The following TREML1 variants were observed in gnomAD, a reference collection of about 807,000 sequenced individuals.
The protein encoded by TREML1 is trem-like transcript 1 protein.
Under a neutral mutation model 22.8 loss-of-function variants are expected in TREML1, and 27 were observed. That is an observed-to-expected ratio of 1.19 (90% confidence interval 0.87 to 1.64). The LOEUF is 1.64. Ranked by LOEUF, TREML1 falls within the 40% of genes most tolerant of loss-of-function variation. The probability of loss-of-function intolerance (pLI) is 0.00; values close to 1 mark genes in which losing one functional copy is unlikely to be tolerated. For missense variants in TREML1, 356 were observed against 382.0 expected (o/e 0.93, Z 0.57); for synonymous variants, 153 against 161.9 (o/e 0.94, Z 0.42).
chr6:41,153,508 G>A (rs555256365), intron 2 of TREML1, among the ~76,000 whole-genome samples: 2 of 152,260 alleles, frequency 1.3e-5, no homozygotes, highest in South Asian at 4.1e-4. Context: ...AGTCCCTGGA[G>A]TGGGAAGGAC....
In TREML1 at chr6:41,149,921, G is replaced by A; in HGVS notation, c.622-3C>T. ...TGGTGGACCACTGAGGAGGGATTCT[G>A]TAACAAAAGCAGGCAAGTCAGGAAT... On this transcript the variant is annotated splice_polypyrimidine_tract_variant and splice_region_variant and intron_variant, in intron 5 of 5. Transcript: ENST00000426005. The A allele has an allele frequency of 6.2e-7, 1 of 1,610,118 alleles. No homozygotes were observed. Among genetic ancestry groups the A allele is most frequent in the Non-Finnish European group, 8.5e-7 (1 of 1,177,294 alleles).
chr6:41,150,556 T>TC (rs146708115), intron 4 of TREML1, among the ~76,000 whole-genome samples: 304 of 152,162 alleles, frequency 2.0e-3, no homozygotes, highest in Non-Finnish European at 3.3e-3. Context: ...CGAGACCCTT[T>TC]CCCCACCTTC....
rs200790387 is a variant in TREML1, at chr6:41,153,732, G to A, written c.376+26C>T. The A allele has an allele frequency of 8.1e-5, 128 of 1,571,072 alleles. No individual in the cohort carries two copies. The African/African-American group carries it at 1.5e-3, about 19-fold the overall frequency. On this transcript the variant is annotated intron_variant, in intron 2 of 5. Transcript: ENST00000426005. ...GGGGTGGGGAGGGTAGGTCTAAGGG[G>A]TGGTAGCTGGCCTAGGATAACTCAC...
chr6:41,153,694 C>G, intron 2 of TREML1, 64 bp downstream of exon 2: 1 of 1,494,502 alleles, frequency 6.7e-7, no homozygotes, highest in Non-Finnish European at 9.0e-7. Flanking sequence ...CCCATGAGCC[C>G]TGGCAATAGG....
chr6:41,150,039 G>A, intron 5 of TREML1, 121 bp from the exon 6 acceptor site: 1 of 1,088,780 alleles, frequency 9.2e-7, no homozygotes, highest in African/African-American at 1.6e-5. Context: ...GGGCAAGAGG[G>A]CTTCATTGTG....
intron 2 of TREML1, among the ~76,000 whole-genome samples, chr6:41,152,996 G>A (rs543544779): frequency 1.3e-3 from 203 of 151,830 alleles, no homozygotes; most frequent in African/African-American, 4.8e-3. Flanking sequence ...TAAAAGAAAA[G>A]GAGTGGCTGT....
Position 41,153,826 on chromosome 6 carries a change from C to T in TREML1, c.308G>A (p.Gly103Asp), listed in dbSNP as rs1318697234. ...TLQEEDAGEY[G>D]CMVDGARGPQ... Reference sequence around the variant, plus strand: ...CCCCCTGGCCCCATCCACCATGCAGCCATACTCGCCAGCATCCTCTTCCTG... The same window carrying T: ...CCCCCTGGCCCCATCCACCATGCAGTCATACTCGCCAGCATCCTCTTCCTG... Residue 103 changes from glycine (G) to aspartate (D), a missense_variant, in exon 2 of 6, where the codon GGC becomes GAC. Physicochemically the swap from Gly to Asp is moderately conservative, Grantham distance 94 (BLOSUM62 -1). Coordinates refer to ENST00000426005, the MANE Select transcript of TREML1 (RefSeq NM_178174.4). 2 of 1,614,052 alleles carry T rather than the reference C, an allele frequency of 1.2e-6. No homozygotes were observed. The highest frequency in any genetic ancestry group is 2.2e-5 in the East Asian group (1 of 44,898).
In TREML1 at chr6:41,150,685, T is replaced by C. The variant is rs1582066999; in HGVS notation, c.568+134A>G. ...TCCCTCAGCCCTGGGAATTCTAGGA[T>C]ATGGGGGCCTTGAGACTTAAGCCCA... On this transcript the variant is annotated intron_variant, in intron 4 of 5. Transcript: ENST00000426005. 5.2e-5 allele frequency: 39 copies of C among 755,706 alleles called. No individual in the cohort carries two copies. The East Asian group carries it at 1.0e-3, about 20-fold the overall frequency. The allele number at this position is 755,706 out of a possible 1,614,324, so 46.8% of individuals were successfully genotyped here. A position where few individuals can be genotyped will look rare whatever the true frequency, so the allele number is the denominator to read the frequency against.
In TREML1 at chr6:41,150,242, G is replaced by A. The variant is rs200230043; in HGVS notation, c.621+19C>T. 90 of 1,613,446 alleles carry A rather than the reference G, an allele frequency of 5.6e-5. No homozygotes were observed. In the East Asian group the frequency reaches 1.8e-3, roughly 32 times the overall value. On this transcript the variant is annotated intron_variant, in intron 5 of 5. Transcript: ENST00000426005. ...GAAAGTCTGGGGAATTTGGCTGTGG[G>A]CCTGCAGAGGCCTCTTACCATGCCT...
chr6:41,149,561 C>G lies in TREML1; in HGVS notation c.*43G>C, dbSNP rs749528852. On this transcript the variant is annotated 3_prime_UTR_variant, in exon 6 of 6. Coordinates refer to ENST00000426005, the MANE Select transcript of TREML1 (RefSeq NM_178174.4). Reference sequence around the variant, plus strand: ...GAGCTGGCTGGATGGATGCACAGAACCCCTAGGGATGGTCCTCATGAGTTT... The same window carrying G: ...GAGCTGGCTGGATGGATGCACAGAAGCCCTAGGGATGGTCCTCATGAGTTT... The G allele has an allele frequency of 6.4e-7, 1 of 1,564,106 alleles. No individual in the cohort carries two copies. The highest frequency in any genetic ancestry group is 1.2e-5 in the South Asian group (1 of 82,362).
intron 2 of TREML1, among the ~76,000 whole-genome samples, chr6:41,152,225 A>T (rs986522612): frequency 3.3e-5 from 5 of 152,034 alleles, no homozygotes; most frequent in Non-Finnish European, 7.4e-5. Flanking sequence ...GCTGCCTTTG[A>T]CCACCTTCTC....
In TREML1 at chr6:41,149,406, T is replaced by C. The variant is rs1233558684; in HGVS notation, c.*198A>G. On this transcript the variant is annotated 3_prime_UTR_variant, in exon 6 of 6. Transcript: ENST00000426005. Reference sequence around the variant, plus strand: ...AATGGTAGAAGAACCAGTGGGGGAGTTGGGTGCAGGGAGGTCTTCCCCAAG... The same window carrying C: ...AATGGTAGAAGAACCAGTGGGGGAGCTGGGTGCAGGGAGGTCTTCCCCAAG... The C allele has an allele frequency of 1.4e-5, 8 of 559,514 alleles. No homozygotes were observed. The East Asian group carries it at 2.0e-4, about 14-fold the overall frequency. The allele number at this position is 559,514 out of a possible 1,614,324, so 34.7% of individuals were successfully genotyped here. A position where few individuals can be genotyped will look rare whatever the true frequency, so the allele number is the denominator to read the frequency against.
In TREML1 at chr6:41,149,595, A is replaced by G. The variant is rs773166160; in HGVS notation, c.*9T>C. 1.2e-6 allele frequency: 2 copies of G among 1,602,446 alleles called. No individual in the cohort carries two copies. The highest frequency in any genetic ancestry group is 2.2e-5 in the South Asian group (2 of 89,324). On this transcript the variant is annotated 3_prime_UTR_variant, in exon 6 of 6. Transcript: ENST00000426005. ...ATGGTCCTCATGAGTTTAAAGTGTG[A>G]TGAGCAGCTTAGCTGGATGGAGTCT... is the stretch of plus-strand genomic sequence containing the variant.
At chr6:41,153,538 C>T (rs1369866164) in intron 2 of TREML1, among the ~76,000 whole-genome samples, 1 of 151,994 alleles carries the variant, frequency 6.6e-6, no homozygotes, top group Non-Finnish European at 1.5e-5. Context: ...TGTGGGGAAG[C>T]GCAGTAGTGT....
rs1255346264 is a variant in TREML1, at chr6:41,154,248, T to G, written c.41A>C (p.Glu14Ala). Reference protein sequence around the residue: ...TLLLLLLLGLEGQGIVGSLPE... With the variant: ...TLLLLLLLGLAGQGIVGSLPE... ...CTGCAGCTCCTCCTGAACCTTACCT[T>G]CTAGTCCCAGGAGCAGCAGCAAGAG... The change falls in exon 1 of 6, where the codon GAA becomes GCA. Residue 14 changes from glutamate (E) to alanine (A), a missense_variant and splice_region_variant. By Grantham distance (107) the Glu-to-Ala change is moderately radical. Coordinates refer to ENST00000426005, the MANE Select transcript of TREML1 (RefSeq NM_178174.4). The G allele has an allele frequency of 1.2e-6, 2 of 1,613,904 alleles. No homozygotes were observed. Among genetic ancestry groups the G allele is most frequent in the Admixed American group, 3.3e-5 (2 of 60,016 alleles).
upstream of TREML1, among the ~76,000 whole-genome samples, chr6:41,155,351 A>G (rs1486736596): frequency 2.1e-5 from 3 of 140,084 alleles, no homozygotes; most frequent in East Asian, 6.6e-4. Context: ...TCTTCACCGG[A>G]GATTTACATT....
downstream of TREML1, chr6:41,149,272 T>G: frequency 4.2e-6 from 1 of 236,362 alleles, no homozygotes; most frequent in Non-Finnish European, 8.3e-6. Context: ...TAGACCAGAG[T>G]CTTTTCCATT....
rs1255723343 is a variant in TREML1, at chr6:41,149,667, C to T, written c.873G>A (p.Lys291=). The T allele has an allele frequency of 6.2e-7, 1 of 1,614,194 alleles. No individual in the cohort carries two copies. The highest frequency in any genetic ancestry group is 1.1e-5 in the South Asian group (1 of 91,076). The stretch of plus-strand genomic sequence containing the variant: ...CTGGCCCACACGAGGTCCCTCCACC[C>T]TTGTTCCCTCCCGGGAAGATTACTG... ...YATVIFPGGN[K]GGGTSCGPAQ... is the part of the protein sequence containing the mutation. The change falls in exon 6 of 6, where the codon AAG becomes AAA. Residue 291 remains lysine (K), a synonymous_variant. Coordinates refer to ENST00000426005, the MANE Select transcript of TREML1 (RefSeq NM_178174.4).
In TREML1 at chr6:41,154,108, G is replaced by A; in HGVS notation, c.44-18C>T. ...GCCCTGACCTGGGGAAGGAAAGGAG[G>A]TGGGAATTTTGGGCAGGAGCTGGGA... On this transcript the variant is annotated intron_variant, in intron 1 of 5. Coordinates refer to ENST00000426005, the MANE Select transcript of TREML1 (RefSeq NM_178174.4). 1 of 1,604,022 alleles carries A rather than the reference G, an allele frequency of 6.2e-7. No homozygotes were observed. Among genetic ancestry groups the A allele is most frequent in the South Asian group, 1.1e-5 (1 of 90,338 alleles).
Sources: allele counts gnomAD v4.1 joint callset (sites outside exome capture counted in the v4.1 genomes callset), GRCh38; gene constraint gnomAD v4.1.1; transcripts MANE v1.5; gene names NCBI Gene and HGNC (gene_info 2026-07-23, HGNC 2026-07-21).